PHLPP2: variants seen among roughly 807,000 people sequenced by gnomAD.
PHLPP2 encodes the protein PH domain and leucine rich repeat protein phosphatase 2, also known as PH domain leucine-rich repeat-containing protein phosphatase 2.
In PHLPP2, 66 loss-of-function variants were observed where a neutral mutation model predicts 124.9. The ratio of observed to expected loss-of-function variants is 0.53; its 90% CI spans 0.43 to 0.65. The LOEUF is 0.65. Ranked by LOEUF, PHLPP2 falls within the 30% of genes least tolerant of loss-of-function variation. The probability of loss-of-function intolerance (pLI) is 0.00; values close to 1 mark genes in which losing one functional copy is unlikely to be tolerated. For synonymous variants in PHLPP2, 681 were observed against 624.7 expected, an observed-to-expected ratio of 1.09 and a Z score of -1.34; for missense variants, 1,685 against 1,600.4, an observed-to-expected ratio of 1.05 and a Z score of -0.90.
chr16:71,679,335 A>G (rs1567619392), intron 7 of PHLPP2, 54 bp downstream of exon 7: 2 of 1,499,206 alleles, frequency 1.3e-6, no homozygotes, highest in East Asian at 2.3e-5. Flanking sequence ...TCCAAACCCC[A>G]GGCAAGTTCC....
intron 2 of PHLPP2, among the ~76,000 whole-genome samples, chr16:71,703,897 G>A (rs894089854): frequency 6.6e-6 from 1 of 152,040 alleles, no homozygotes; most frequent in Non-Finnish European, 1.5e-5. Flanking sequence ...TTTAAGATTG[G>A]AATCAATTTT....
intron 3 of PHLPP2, among the ~76,000 whole-genome samples, chr16:71,701,986 A>T (rs1410556774): frequency 2.0e-5 from 3 of 152,206 alleles, no homozygotes; most frequent in African/African-American, 7.2e-5. Flanking sequence ...CTTGGAACGC[A>T]ATCCCAGTGG....
intron 1 of PHLPP2, among the ~76,000 whole-genome samples, chr16:71,720,080 C>T (rs1195782324): frequency 6.7e-6 from 1 of 148,848 alleles, no homozygotes; most frequent in Non-Finnish European, 1.5e-5. Context: ...TGCCATTCTC[C>T]TGCCTCAGCC....
intron 17 of PHLPP2, 87 bp from the exon 18 acceptor site, chr16:71,653,108 T>A (rs1385259309): frequency 7.6e-6 from 6 of 786,958 alleles, no homozygotes; most frequent in Non-Finnish European, 1.0e-5. Flanking sequence ...TCTTTTTTTT[T>A]TTTTTTTTTT....
intron 1 of PHLPP2, 128 bp downstream of exon 1, chr16:71,724,201 C>G (rs1170264059): frequency 1.3e-5 from 2 of 152,276 alleles, no homozygotes; most frequent in Non-Finnish European, 2.9e-5. Context: ...CTCTAAGAAA[C>G]CCGCGGGAGA....
chr16:71,681,691 T>C, intron 6 of PHLPP2, 60 bp downstream of exon 6: 4 of 1,350,818 alleles, frequency 3.0e-6, no homozygotes, highest in Non-Finnish European at 3.0e-6. Flanking sequence ...GTAGAAGCCA[T>C]AAGATACTGA....
At position 71,684,577 on chromosome 16, in the gene PHLPP2, A is replaced by G. The variant is rs755906835; in HGVS notation, c.634T>C (p.Tyr212His). The change falls in exon 5 of 19, where the codon TAC becomes CAC. Residue 212 changes from tyrosine to histidine, a missense_variant. By Grantham distance (83) the Tyr-to-His change is moderately conservative. Transcript: ENST00000568954. Reference protein sequence around the residue: ...GKIEEVKRRQYSLAFSSAGAQ... With the variant: ...GKIEEVKRRQHSLAFSSAGAQ... The stretch of plus-strand genomic sequence containing the variant: ...CCTGCTGAGCTGAAAGCAAGGGAGT[A>G]TTGCCGTCGCTTCACTTCTTCTATC... 6.2e-7 allele frequency: 1 copy of G among 1,613,624 alleles called. No individual in the cohort carries two copies. The highest frequency in any genetic ancestry group is 8.5e-7 in the Non-Finnish European group (1 of 1,179,726).
chr16:71,706,421 T>A (rs1480751120), intron 2 of PHLPP2, among the ~76,000 whole-genome samples: 1 of 152,194 alleles, frequency 6.6e-6, no homozygotes, highest in Non-Finnish European at 1.5e-5. Flanking sequence ...AGAGTTTTAG[T>A]TAATAGTGGG....
At position 71,681,802 on chromosome 16, in the gene PHLPP2, C is replaced by A; in HGVS notation, c.839G>T (p.Arg280Leu). 1 of 1,613,840 alleles carries A rather than the reference C, an allele frequency of 6.2e-7. No individual in the cohort carries two copies. Among genetic ancestry groups the A allele is most frequent in the East Asian group, 2.2e-5 (1 of 44,872 alleles). Residue 280 changes from arginine to leucine, a missense_variant, in exon 6 of 19, where the codon CGA (arginine) becomes CTA (leucine). Coordinates refer to ENST00000568954, the MANE Select transcript of PHLPP2 (RefSeq NM_015020.3). ...TCTTTCTAACTGCATGAAGTTGTGT[C>A]GCAAGTTGAGGTAGGTAATATCTTG... ...YSQDITYLNL[R>L]HNFMQLERPG...
At chr16:71,660,827 CTCAA>C (rs2044783150) in intron 13 of PHLPP2, among the ~76,000 whole-genome samples, 1 of 152,086 alleles carries the variant, frequency 6.6e-6, no homozygotes. Flanking sequence ...ATGCAGCCTC[CTCAA>C]TCAGTTTCTG....
intron 10 of PHLPP2, among the ~76,000 whole-genome samples, chr16:71,671,471 G>A (rs1255644556): frequency 1.3e-5 from 2 of 151,882 alleles, no homozygotes; most frequent in South Asian, 2.1e-4. Context: ...CTTGCCACTA[G>A]ACTGCAAAAC....
At chr16:71,698,516 G>A (rs1014432858) in intron 3 of PHLPP2, 7 of 722,538 alleles carry the variant, frequency 9.7e-6, no homozygotes, top group Non-Finnish European at 1.8e-5. Flanking sequence ...CCTGTTTGGA[G>A]CCTAGACTGG....
At chr16:71,669,125 T>C (rs2044867069) in intron 11 of PHLPP2, 150 bp downstream of exon 11, 2 of 527,000 alleles carry the variant, frequency 3.8e-6, no homozygotes, top group Non-Finnish European at 6.8e-6. Flanking sequence ...GCCTTTACTA[T>C]GTTCCTTACA....
chr16:71,702,690 T>C lies in PHLPP2; in HGVS notation c.326A>G (p.Asp109Gly). Residue 109 changes from aspartate (D) to glycine (G), a missense_variant, in exon 3 of 19, where the codon GAT becomes GGT. Coordinates refer to ENST00000568954, the MANE Select transcript of PHLPP2 (RefSeq NM_015020.3). ...ATCAAATCCCAGCCTGGATAAGTAATCATAAACGATCTGAAGAGGTCGTTC... is the reference window on the plus strand; with the variant it reads ...ATCAAATCCCAGCCTGGATAAGTAACCATAAACGATCTGAAGAGGTCGTTC... ...PTERPLQIVYDYLSRLGFDDP... is the reference protein window; with the variant it reads ...PTERPLQIVYGYLSRLGFDDP... 1 of 1,610,918 alleles carries C rather than the reference T, an allele frequency of 6.2e-7. No individual in the cohort carries two copies. Among genetic ancestry groups the C allele is most frequent in the East Asian group, 2.2e-5 (1 of 44,868 alleles).
intron 2 of PHLPP2, among the ~76,000 whole-genome samples, chr16:71,707,385 C>A (rs184198713): frequency 6.6e-6 from 1 of 152,030 alleles, no homozygotes; most frequent in South Asian, 2.1e-4. Context: ...TTATTCATGA[C>A]CCCCTTGGAT....
At chr16:71,681,558 C>G (rs1208951931) in intron 6 of PHLPP2, among the ~76,000 whole-genome samples, 193 bp downstream of exon 6, 1 of 152,176 alleles carries the variant, frequency 6.6e-6, no homozygotes, top group Non-Finnish European at 1.5e-5. Flanking sequence ...GCTCACAGAA[C>G]ATTTACATCA....
rs1288544401 is a variant in PHLPP2, at chr16:71,649,506, C to T, written c.3356G>A (p.Ser1119Asn). The change falls in exon 19 of 19, where the codon AGC becomes AAC. Residue 1119 changes from serine to asparagine, a missense_variant. Ser to Asn is a conservative substitution (Grantham distance 46). Coordinates refer to ENST00000568954, the MANE Select transcript of PHLPP2 (RefSeq NM_015020.3). Reference protein sequence around the residue: ...ALLPRPERRCSLHPTPTSGLF... With the variant: ...ALLPRPERRCNLHPTPTSGLF... ...CCCAGAGGTGGGTGTTGGGTGGAGGCTGCAGCGCCGCTCTGGCCTCGGAAG... is the reference window on the plus strand; with the variant it reads ...CCCAGAGGTGGGTGTTGGGTGGAGGTTGCAGCGCCGCTCTGGCCTCGGAAG... 1.9e-6 allele frequency: 3 copies of T among 1,614,140 alleles called. No individual in the cohort carries two copies. The highest frequency in any genetic ancestry group is 1.3e-5 in the African/African-American group (1 of 75,032).
intron 2 of PHLPP2, 51 bp from the exon 3 acceptor site, chr16:71,702,782 G>T: frequency 1.5e-6 from 2 of 1,304,794 alleles, no homozygotes; most frequent in Non-Finnish European, 2.1e-6. Context: ...AATAAAAATG[G>T]TTCATTTAAT....
At chr16:71,691,717 G>C (rs2045115497) in intron 3 of PHLPP2, among the ~76,000 whole-genome samples, 1 of 152,016 alleles carries the variant, frequency 6.6e-6, no homozygotes. Context: ...GATCACGGTG[G>C]TGGAAATTCT....
Sources: allele counts gnomAD v4.1 joint callset (sites outside exome capture counted in the v4.1 genomes callset), GRCh38; gene constraint gnomAD v4.1.1; transcripts MANE v1.5; gene names NCBI Gene and HGNC (gene_info 2026-07-23, HGNC 2026-07-21).